Variants in TMEM229B observed in about 807,000 individuals in gnomAD.
The protein encoded by TMEM229B is chromosome 14 open reading frame 83.
A neutral mutation model predicts 13.7 loss-of-function variants in TMEM229B; 6 were observed. That is an observed-to-expected ratio of 0.44 (90% CI 0.24 to 0.86). TMEM229B has a LOEUF of 0.86. TMEM229B is among the 40% of genes least tolerant of loss of function. TMEM229B has a pLI of 0.23. For synonymous variants in TMEM229B, 107 were observed against 102.1 expected (o/e 1.05, Z -0.29); for missense variants, 170 against 236.0 (o/e 0.72, Z 1.83).
chr14:67,505,725 T>TA (rs112647793), intron 1 of TMEM229B, among the ~76,000 whole-genome samples: 189 of 151,434 alleles, frequency 1.2e-3, no homozygotes, highest in African/African-American at 4.6e-3. Flanking sequence ...TTTTTTTTTT[T>TA]AAACAGATTC....
At position 67,473,605 on chromosome 14, in the gene TMEM229B, G is replaced by A. The variant is rs1367395787; in HGVS notation, c.319C>T (p.Gln107Ter). 6.2e-7 allele frequency: 1 copy of A among 1,601,808 alleles called. No individual in the cohort carries two copies. Among genetic ancestry groups the A allele is most frequent in the Non-Finnish European group, 8.5e-7 (1 of 1,174,404 alleles). Reference protein sequence around the residue: ...QFNACPWDYSQFDFDFMGLIT... With the variant: ...QFNACPWDYS ...AGGCCCATGAAGTCAAAGTCGAACT[G>A]GGAGTAGTCCCAGGGGCAGGCGTTG... The change falls in exon 3 of 3, where the codon CAG becomes TAG. Residue 107 changes from glutamine to a stop codon, truncating the protein, a stop_gained. Transcript: ENST00000554480. LOFTEE classifies it high-confidence loss of function. This position sits in a 1 kb window ranked among gnomAD's most constrained non-coding sequence, Gnocchi z 6.5.
At chr14:67,501,427 T>C (rs901898114) in intron 1 of TMEM229B, among the ~76,000 whole-genome samples, 6 of 152,148 alleles carry the variant, frequency 3.9e-5, no homozygotes, top group African/African-American at 1.4e-4. Flanking sequence ...TGCAGTGGCA[T>C]GATCATAGGT....
rs549756078 is a variant in TMEM229B, at chr14:67,494,625, A to AC, written c.-191-7454dup. On this transcript the variant is annotated intron_variant, in intron 1 of 2. Transcript: ENST00000357461. ...GGGTTGAGAGGTAGGGGATGCCTAG[A>AC]CCAGCTCTTGTCAGTGCTCAGCAGG... is the stretch of plus-strand genomic sequence containing the variant. 1.6e-3 allele frequency among the ~76,000 whole-genome samples: 244 copies of AC among 152,336 alleles called. 1 individual carries two copies. Among genetic ancestry groups the AC allele is most frequent in the African/African-American group, 5.5e-3 (228 of 41,580 alleles).
At chr14:67,532,670 T>C (rs551555957) in intron 1 of TMEM229B, among the ~76,000 whole-genome samples, 1 of 152,134 alleles carries the variant, frequency 6.6e-6, no homozygotes, top group Non-Finnish European at 1.5e-5. Context: ...CTGGGCAACA[T>C]AGCGAGACCA....
chr14:67,478,287 C>T (rs1195205740), intron 2 of TMEM229B, among the ~76,000 whole-genome samples: 4 of 152,186 alleles, frequency 2.6e-5, no homozygotes, highest in South Asian at 4.1e-4. Flanking sequence ...TAAGCCATGC[C>T]CACCATCATC....
chr14:67,511,579 C>T (rs940290669), intron 1 of TMEM229B, among the ~76,000 whole-genome samples: 2 of 152,134 alleles, frequency 1.3e-5, no homozygotes, highest in South Asian at 2.1e-4. Flanking sequence ...TGTTCAAAAA[C>T]ATGAATTGTC....
intron 2 of TMEM229B, among the ~76,000 whole-genome samples, chr14:67,476,176 A>T (rs2031180440): frequency 1.3e-5 from 2 of 152,258 alleles, no homozygotes; most frequent in South Asian, 4.1e-4. Flanking sequence ...CTGTCTGGGA[A>T]TTCCAGCCTC....
chr14:67,522,911 C>T (rs186230701), intron 1 of TMEM229B, among the ~76,000 whole-genome samples: 1 of 152,366 alleles, frequency 6.6e-6, no homozygotes, highest in Non-Finnish European at 1.5e-5. Context: ...ATCCCAGAGA[C>T]TCTATCTTGT....
At chr14:67,483,914 C>T (rs2140107481) in intron 2 of TMEM229B, among the ~76,000 whole-genome samples, 1 of 152,324 alleles carries the variant, frequency 6.6e-6, no homozygotes, top group Non-Finnish European at 1.5e-5. Flanking sequence ...GGAGGCAGGG[C>T]AGGGTGAGTG....
intron 1 of TMEM229B, among the ~76,000 whole-genome samples, chr14:67,502,420 C>T (rs1594706733): frequency 6.7e-6 from 1 of 148,910 alleles, no homozygotes; most frequent in East Asian, 1.9e-4. Flanking sequence ...AAAAGAACTG[C>T]AAAGTCCTTG....
rs552326055 is a variant in TMEM229B, at chr14:67,473,492, G to C, written c.432C>G (p.Phe144Leu). ...FIIRNTLRLR[F>L]DKDAEPGEPS... is the part of the protein sequence containing the mutation. ...GCTCCCCGGGCTCAGCGTCCTTGTC[G>C]AAGCGGAGGCGGAGGGTGTTGCGGA... Residue 144 changes from phenylalanine (F) to leucine (L), a missense_variant, in exon 3 of 3, where the codon TTC becomes TTG. Around this residue, in one of 4 missense-constraint regions of TMEM229B, gnomAD observed 70 missense variants for 60.9 expected, o/e 1.15. Coordinates refer to ENST00000554480, the MANE Select transcript of TMEM229B (RefSeq NM_001348543.2). The surrounding 1 kb of genome is among the most constrained non-coding windows in gnomAD (Gnocchi z 6.5). 2 of 1,614,204 alleles carry C rather than the reference G, an allele frequency of 1.2e-6. No individual in the cohort carries two copies.
At chr14:67,481,257 T>C (rs2031568753) in intron 2 of TMEM229B, among the ~76,000 whole-genome samples, 1 of 152,062 alleles carries the variant, frequency 6.6e-6, no homozygotes, top group Non-Finnish European at 1.5e-5. Flanking sequence ...CACTCCAGCA[T>C]GGACAATGAG....
chr14:67,517,186 C>G (rs1430521427), upstream of TMEM229B, among the ~76,000 whole-genome samples: 2 of 152,188 alleles, frequency 1.3e-5, no homozygotes, highest in Non-Finnish European at 2.9e-5. Context: ...GCAAGGCCTA[C>G]CTGATGAAAA....
chr14:67,525,227 C>G (rs1359337407), intron 1 of TMEM229B, among the ~76,000 whole-genome samples: 1 of 152,110 alleles, frequency 6.6e-6, no homozygotes, highest in African/African-American at 2.4e-5. Flanking sequence ...TATTTATATA[C>G]ATAAATATAC....
At chr14:67,490,835 T>C (rs1459047551), upstream of TMEM229B, among the ~76,000 whole-genome samples, 1 of 152,162 alleles carries the variant, frequency 6.6e-6, no homozygotes, top group African/African-American at 2.4e-5. Flanking sequence ...AAAAAAGTTT[T>C]TTCCTTCTGC....
At chr14:67,521,682 C>A (rs561122475) in intron 1 of TMEM229B, among the ~76,000 whole-genome samples, 12 of 152,232 alleles carry the variant, frequency 7.9e-5, no homozygotes, top group Admixed American at 2.0e-4. Context: ...AGCATTAAGA[C>A]ATTAATGGGT....
At chr14:67,502,529 T>A (rs1405924083) in intron 1 of TMEM229B, among the ~76,000 whole-genome samples, 1 of 147,342 alleles carries the variant, frequency 6.8e-6, no homozygotes, top group Non-Finnish European at 1.5e-5. Flanking sequence ...CTCAGCTCAC[T>A]GCAACCTCCG....
intron 1 of TMEM229B, among the ~76,000 whole-genome samples, chr14:67,511,534 G>A (rs1245123977): frequency 2.0e-5 from 3 of 152,142 alleles, no homozygotes; most frequent in Non-Finnish European, 4.4e-5. Flanking sequence ...TCCCTACTGG[G>A]AAGCCAGCAG....
At chr14:67,495,314 C>T (rs2032323294) in intron 1 of TMEM229B, among the ~76,000 whole-genome samples, 1 of 152,168 alleles carries the variant, frequency 6.6e-6, no homozygotes, top group Non-Finnish European at 1.5e-5. Flanking sequence ...CCTCCTCCTC[C>T]CAGGATCAAC....
Sources: gnomAD v4.1 joint callset for allele counts (sites outside exome capture counted in the v4.1 genomes callset) on GRCh38, gnomAD v4.1.1 for gene constraint, gnomAD v4.1.1 regional missense constraint, Gnocchi (gnomAD v3.1) non-coding constraint, MANE v1.5 for transcripts, NCBI Gene and HGNC (gene_info 2026-07-23, HGNC 2026-07-21) for gene names.